The following DSCAML1 variants were observed in gnomAD, a reference collection of about 807,000 sequenced individuals.
DSCAML1 encodes cell adhesion molecule DSCAML1.
DSCAML1 carries 38 observed loss-of-function variants against 200.5 expected under a neutral mutation model. That is an observed-to-expected ratio of 0.19 (90% CI 0.15 to 0.25). The LOEUF (loss-of-function observed/expected upper bound fraction) is 0.25, where lower values mean the gene tolerates loss of function less well. Among genes scored for constraint, DSCAML1 ranks in the 10% least tolerant of loss-of-function variants. The pLI is 1.00. For missense variants in DSCAML1, 2,223 were observed against 2,858.8 expected (o/e 0.78, Z 5.07); for synonymous variants, 1,215 against 1,165.0 (o/e 1.04, Z -0.87).
At chr11:117,684,452 A>G (rs11216501) in intron 3 of DSCAML1, among the ~76,000 whole-genome samples, 18,242 of 144,610 alleles carry the variant, frequency 0.13, 1,640 homozygotes, top group African/African-American at 0.27. Context: ...AAAAAAAAAA[A>G]AAAAAAAAGA....
At chr11:117,445,798 G>A (rs542201739) in intron 20 of DSCAML1, among the ~76,000 whole-genome samples, 1 of 152,290 alleles carries the variant, frequency 6.6e-6, no homozygotes, top group South Asian at 2.1e-4. Flanking sequence ...GCCTCTTCTT[G>A]TAGGTATTAG....
intron 3 of DSCAML1, among the ~76,000 whole-genome samples, chr11:117,610,852 C>CG (rs1491558491): frequency 1.6e-5 from 2 of 123,552 alleles, no homozygotes; most frequent in Admixed American, 8.3e-5. Context: ...CCCCCCCCCC[C>CG]ACAATGTGTT....
chr11:117,481,088 T>C (rs1276155191), intron 13 of DSCAML1, 86 bp downstream of exon 13: 6 of 1,287,178 alleles, frequency 4.7e-6, no homozygotes, highest in East Asian at 2.3e-5. Flanking sequence ...GCGTAGGCTG[T>C]GGCCCCTGCT....
intron 3 of DSCAML1, among the ~76,000 whole-genome samples, chr11:117,616,624 T>G (rs1442353978): frequency 6.6e-6 from 1 of 152,136 alleles, no homozygotes; most frequent in Non-Finnish European, 1.5e-5. Context: ...ATAATTAGAT[T>G]TTATGCTTTT....
chr11:117,461,256 G>A (rs1438094830), intron 18 of DSCAML1, among the ~76,000 whole-genome samples, 194 bp downstream of exon 18: 2 of 149,602 alleles, frequency 1.3e-5, no homozygotes, highest in Non-Finnish European at 3.0e-5. Context: ...AGTGAATCCC[G>A]AGCCCCTTCC....
intron 3 of DSCAML1, among the ~76,000 whole-genome samples, chr11:117,547,309 T>A (rs1265353832): frequency 6.6e-6 from 1 of 152,296 alleles, no homozygotes; most frequent in Non-Finnish European, 1.5e-5. Flanking sequence ...ATCACTGTTA[T>A]TACAATTCGG....
In DSCAML1 at chr11:117,518,730, C is replaced by G. The variant is rs772595212; in HGVS notation, c.1246G>C (p.Glu416Gln). The change falls in exon 7 of 33, where the codon GAG (glutamate) becomes CAG (glutamine). Residue 416 changes from glutamate to glutamine, a missense_variant. Transcript: ENST00000651296. This position sits in a 1 kb window ranked among gnomAD's most constrained non-coding sequence, Gnocchi z 6.3. ...TGCTCCCCGGGGTTGACCACCTTCT[C>G]GCTGAAGGACGAGACGATGCGGGGC... ...GTPRIVSSFS[E>Q]KVVNPGEQFS... is the part of the protein sequence containing the mutation. 8.1e-6 allele frequency: 13 copies of G among 1,612,544 alleles called. No individual in the cohort carries two copies. The highest frequency in any genetic ancestry group is 5.0e-5 in the Admixed American group (3 of 59,996).
chr11:117,702,756 G>A (rs2053692480), intron 3 of DSCAML1, among the ~76,000 whole-genome samples: 2 of 152,122 alleles, frequency 1.3e-5, no homozygotes, highest in South Asian at 4.2e-4. Flanking sequence ...ATAATACTAG[G>A]TGTTTTAGCT....
chr11:117,643,787 G>A lies in DSCAML1; in HGVS notation c.512-111265C>T, dbSNP rs551039501. Among the ~76,000 whole-genome samples the A allele has an allele frequency of 3.9e-5, 6 of 152,256 alleles. No individual in the cohort carries two copies. The East Asian group carries it at 9.7e-4, about 25-fold the overall frequency. On this transcript the variant is annotated intron_variant, in intron 3 of 32. Coordinates refer to ENST00000651296, the MANE Select transcript of DSCAML1 (RefSeq NM_020693.4). Reference sequence around the variant, plus strand: ...ACTTATACCGCCGTCATCACCATCAGGCTCCAGTGTCCTCACACATCCTCT... The same window carrying A: ...ACTTATACCGCCGTCATCACCATCAAGCTCCAGTGTCCTCACACATCCTCT...
chr11:117,741,982 T>C (rs908850064), intron 3 of DSCAML1, among the ~76,000 whole-genome samples: 3 of 152,084 alleles, frequency 2.0e-5, no homozygotes, highest in African/African-American at 7.2e-5. Context: ...CTGAGAAAGG[T>C]TACCCTGGGC....
chr11:117,692,270 C>T (rs1339453883), intron 3 of DSCAML1, among the ~76,000 whole-genome samples: 1 of 152,048 alleles, frequency 6.6e-6, no homozygotes, highest in Non-Finnish European at 1.5e-5. Flanking sequence ...CCCCTTTTGT[C>T]TCCTTCTTGC....
At position 117,780,815 on chromosome 11, in the gene DSCAML1, A is replaced by C. The variant is rs755041364; in HGVS notation, c.47-5T>G. 1.4e-6 allele frequency: 2 copies of C among 1,429,802 alleles called. No homozygotes were observed. Among genetic ancestry groups the C allele is most frequent in the Non-Finnish European group, 1.8e-6 (2 of 1,094,050 alleles). 88.6% of individuals were successfully genotyped at this position (1,429,802 alleles called of 1,614,324 possible). A position where few individuals can be genotyped will look rare whatever the true frequency, so the allele number is the denominator to read the frequency against. On this transcript the variant is annotated splice_polypyrimidine_tract_variant and splice_region_variant and intron_variant, in intron 1 of 32. Transcript: ENST00000651296. This position sits in a 1 kb window ranked among gnomAD's most constrained non-coding sequence, Gnocchi z 4.8. ...TGCCAACATCTTCAGGGCGGGCTGC[A>C]GGAGAGGCAAGGGGAGAGACTTGGT... is the stretch of plus-strand genomic sequence containing the variant.
rs145098647 is a variant in DSCAML1, at chr11:117,460,704, T to G, written c.3412+746A>C. ...GCACATTCCAGGGCGAGGAAGACAT[T>G]CAAAAGTTTGGGCCATCTTACTGGT... On this transcript the variant is annotated intron_variant, in intron 18 of 32. Transcript: ENST00000651296. 2.7e-3 allele frequency among the ~76,000 whole-genome samples: 410 copies of G among 152,178 alleles called. 1 individual carries two copies. Among genetic ancestry groups the G allele is most frequent in the Non-Finnish European group, 3.9e-3 (268 of 68,002 alleles).
intron 3 of DSCAML1, among the ~76,000 whole-genome samples, chr11:117,764,277 G>GT (rs1322483578): frequency 6.6e-6 from 1 of 152,118 alleles, no homozygotes; most frequent in Non-Finnish European, 1.5e-5. Flanking sequence ...CTTTCCAAGG[G>GT]TAAAAAAAGA....
Position 117,666,140 on chromosome 11 carries a change from T to C in DSCAML1, c.511+110651A>G, listed in dbSNP as rs116792742. Among the ~76,000 whole-genome samples the C allele has an allele frequency of 2.5e-3, 383 of 152,212 alleles. 1 individual carries two copies. The highest frequency in any genetic ancestry group is 8.6e-3 in the African/African-American group (358 of 41,542). ...TTGGGCCCCAGGAAGCAGAATAGTA[T>C]GGTGAGAGGGGCATGGATCTCAGAA... On this transcript the variant is annotated intron_variant, in intron 3 of 32. Coordinates refer to ENST00000651296, the MANE Select transcript of DSCAML1 (RefSeq NM_020693.4).
At chr11:117,779,007 C>T (rs917664150) in intron 2 of DSCAML1, among the ~76,000 whole-genome samples, 2 of 152,254 alleles carry the variant, frequency 1.3e-5, no homozygotes, top group Admixed American at 6.5e-5. Context: ...TACACACTCC[C>T]GTTCCCAGCT....
chr11:117,595,777 T>C (rs1437782972), intron 3 of DSCAML1, among the ~76,000 whole-genome samples: 1 of 143,084 alleles, frequency 7.0e-6, no homozygotes, highest in Non-Finnish European at 1.5e-5. Context: ...CATGTATGGC[T>C]AAAAAAAAAA....
chr11:117,528,226 T>A (rs927802862), intron 4 of DSCAML1, among the ~76,000 whole-genome samples: 2 of 151,802 alleles, frequency 1.3e-5, no homozygotes. Context: ...GAAGAATTAC[T>A]CAATGTGACA....
intron 3 of DSCAML1, among the ~76,000 whole-genome samples, chr11:117,729,933 G>A (rs1452035019): frequency 6.6e-6 from 1 of 152,270 alleles, no homozygotes; most frequent in Non-Finnish European, 1.5e-5. Context: ...GGGCGCAGTG[G>A]CTCACGCCTG....
Sources: allele counts gnomAD v4.1 joint callset (sites outside exome capture counted in the v4.1 genomes callset), GRCh38; gene constraint gnomAD v4.1.1; non-coding constraint Gnocchi (gnomAD v3.1); transcripts MANE v1.5; gene names NCBI Gene and HGNC (gene_info 2026-07-23, HGNC 2026-07-21).